Variants in RETSAT observed in about 807,000 individuals in gnomAD.
RETSAT encodes the protein all-trans-retinol 13,14-reductase.
RETSAT carries 35 observed loss-of-function variants against 61.6 expected under a neutral mutation model. The observed-to-expected ratio is 0.57, with a 90% CI of 0.43 to 0.75. The LOEUF (loss-of-function observed/expected upper bound fraction) is 0.75. RETSAT is among the 30% of genes least tolerant of loss of function. The pLI, the probability that RETSAT is intolerant of heterozygous loss-of-function variation, is 0.00. For missense variants in RETSAT, 670 were observed against 759.5 expected (o/e 0.88, Z 1.38); for synonymous variants, 277 against 310.4 (o/e 0.89, Z 1.13).
chr2:85,349,933 A>C (rs947492975), intron 4 of RETSAT, 107 bp downstream of exon 4: 1 of 1,109,708 alleles, frequency 9.0e-7, no homozygotes, highest in African/African-American at 1.6e-5. Context: ...TGGGGTTTAC[A>C]CTGCTCCATA....
intron 3 of RETSAT, 23 bp downstream of exon 3, chr2:85,350,757 G>T (rs1683285403): frequency 6.2e-7 from 1 of 1,613,662 alleles, no homozygotes. Flanking sequence ...ACAAACTCTG[G>T]GTCCTCAGCA....
At chr2:85,344,451 A>G (rs1273156356) in intron 7 of RETSAT, 103 bp from the exon 8 acceptor site, 2 of 1,523,546 alleles carry the variant, frequency 1.3e-6, no homozygotes, top group African/African-American at 1.4e-5. Flanking sequence ...ACAGGGGTGA[A>G]GCTGAGCCAC....
intron 5 of RETSAT, 90 bp from the exon 6 acceptor site, chr2:85,346,184 C>A (rs988719106): frequency 6.3e-5 from 95 of 1,518,236 alleles, no homozygotes; most frequent in Non-Finnish European, 8.1e-5. Context: ...CTGCCTGTGC[C>A]CATTTCTCAG....
chr2:85,353,885 T>C (rs1421544811), intron 1 of RETSAT, among the ~76,000 whole-genome samples: 2 of 152,174 alleles, frequency 1.3e-5, no homozygotes, highest in Non-Finnish European at 2.9e-5. Context: ...TCCTTACGAT[T>C]TGGGACCATG....
Position 85,351,867 on chromosome 2 carries a change from A to G in RETSAT, c.173-5T>C, listed in dbSNP as rs1181060446. 6.2e-7 allele frequency: 1 copy of G among 1,613,028 alleles called. No individual in the cohort carries two copies. Among genetic ancestry groups the G allele is most frequent in the Non-Finnish European group, 8.5e-7 (1 of 1,179,714 alleles). On this transcript the variant is annotated splice_region_variant and splice_polypyrimidine_tract_variant and intron_variant, in intron 1 of 10. Coordinates refer to ENST00000295802, the MANE Select transcript of RETSAT (RefSeq NM_017750.4). ...GCACTTGGTTGGCTGAAAAAGCTAC[A>G]GCAGAAGGGCCAAAGGGTGGGTTTC...
intron 5 of RETSAT, among the ~76,000 whole-genome samples, chr2:85,347,043 A>G (rs1683213935): frequency 6.6e-6 from 1 of 152,066 alleles, no homozygotes; most frequent in African/African-American, 2.4e-5. Context: ...CAGCTCTTTC[A>G]TATCTCCACA....
Position 85,353,679 on chromosome 2 carries a change from C to A in RETSAT, c.172+657G>T, listed in dbSNP as rs141648850. On this transcript the variant is annotated intron_variant, in intron 1 of 10. Transcript: ENST00000295802. ...TCTCCGATTGTGTAGCAAGATATGACACGGAGAATTCTAAAATTTACAAGT... is the reference window on the plus strand; with the variant it reads ...TCTCCGATTGTGTAGCAAGATATGAAACGGAGAATTCTAAAATTTACAAGT... Among the ~76,000 whole-genome samples the A allele has an allele frequency of 8.9e-4, 135 of 152,332 alleles. 1 individual carries two copies. The highest frequency in any genetic ancestry group is 3.1e-3 in the African/African-American group (129 of 41,570).
intron 5 of RETSAT, among the ~76,000 whole-genome samples, chr2:85,347,452 C>G (rs905143369): frequency 1.3e-5 from 2 of 152,176 alleles, no homozygotes; most frequent in South Asian, 4.1e-4. Context: ...TGGTCTCGAA[C>G]TCCTGACCTT....
Position 85,343,866 on chromosome 2 carries a change from T to G in RETSAT, c.1534-68A>C, listed in dbSNP as rs574031748. On this transcript the variant is annotated intron_variant, in intron 9 of 10. Coordinates refer to ENST00000295802, the MANE Select transcript of RETSAT (RefSeq NM_017750.4). ...CCCCTCCCTCTTCCACTCTTTCCCA[T>G]TCACTGACTGCAGGGATGGGTGCCC... The G allele has an allele frequency of 7.5e-6, 12 of 1,598,484 alleles. No homozygotes were observed. The East Asian group carries it at 2.7e-4, about 36-fold the overall frequency.
Position 85,350,215 on chromosome 2 carries a change from G to A in RETSAT, c.624C>T (p.Ala208=). ...VKVVSSGAPH[A]ILLKFLPLPV... The stretch of plus-strand genomic sequence containing the variant: ...GCAATGGGAGGAATTTCAACAGGAT[G>A]GCATGAGGGGCTCCACTGGATACCA... The change falls in exon 4 of 11, where the codon GCC becomes GCT. Residue 208 remains alanine (A), a synonymous_variant. Transcript: ENST00000295802. The A allele has an allele frequency of 6.2e-7, 1 of 1,613,840 alleles. No homozygotes were observed. Among genetic ancestry groups the A allele is most frequent in the Non-Finnish European group, 8.5e-7 (1 of 1,179,942 alleles).
At chr2:85,344,415 G>A in intron 7 of RETSAT, 67 bp from the exon 8 acceptor site, 2 of 1,562,536 alleles carry the variant, frequency 1.3e-6, no homozygotes, top group Non-Finnish European at 1.8e-6. Context: ...ACCACTGCAA[G>A]GACTGCTTAT....
chr2:85,349,282 G>C (rs1683258010), intron 5 of RETSAT, 102 bp downstream of exon 5: 1 of 1,077,554 alleles, frequency 9.3e-7, no homozygotes, highest in Admixed American at 1.8e-5. Context: ...TAGCCTCCAT[G>C]AGGAGGTCAG....
At position 85,343,302 on chromosome 2, in the gene RETSAT, GT is replaced by G. The variant is rs775765338; in HGVS notation, c.1772del (p.Asn591ThrfsTer39). The G allele has an allele frequency of 3.1e-6, 5 of 1,614,290 alleles. No homozygotes were observed. In the South Asian group the frequency reaches 5.5e-5, roughly 18 times the overall value. ...CAAGATTCTTAAGGTCTGAGTACAA[GT>G]TCCGCTTCAGGATGGCGCTGCTGCA... ...LLCSSAILKR[N>X]LYSDLKNLDS... On this transcript the variant is annotated frameshift_variant, in exon 11 of 11. Transcript: ENST00000295802. LOFTEE classifies it high-confidence loss of function.
chr2:85,349,631 C>A, intron 4 of RETSAT, 50 bp from the exon 5 acceptor site: 1 of 1,495,196 alleles, frequency 6.7e-7, no homozygotes, highest in South Asian at 1.1e-5. Flanking sequence ...GCACCAGCAC[C>A]ATTCAGAAAG....
intron 5 of RETSAT, among the ~76,000 whole-genome samples, chr2:85,346,467 A>G (rs1248441450): frequency 2.0e-5 from 3 of 151,990 alleles, no homozygotes; most frequent in Non-Finnish European, 2.9e-5. Flanking sequence ...ATACCCTCCA[A>G]TCGGGGCTAG....
At chr2:85,349,879 T>A in intron 4 of RETSAT, 161 bp downstream of exon 4, 1 of 676,860 alleles carries the variant, frequency 1.5e-6, no homozygotes, top group Admixed American at 2.9e-5. Flanking sequence ...GACCAAGGAG[T>A]CCAGCAGGTG....
chr2:85,348,789 C>T (rs1172337770), intron 5 of RETSAT, among the ~76,000 whole-genome samples: 2 of 150,838 alleles, frequency 1.3e-5, no homozygotes, highest in East Asian at 3.9e-4. Flanking sequence ...CTCGCTCTGT[C>T]GCCCAGGCCG....
At chr2:85,353,383 G>C (rs913898792) in intron 1 of RETSAT, among the ~76,000 whole-genome samples, 18 of 152,268 alleles carry the variant, frequency 1.2e-4, no homozygotes, top group African/African-American at 4.3e-4. Flanking sequence ...GCGGTGAGCG[G>C]AGATCGCGCC....
rs775634931 is a variant in RETSAT at position 85,351,697 on chromosome 2, C to A, written c.338G>T (p.Gly113Val). The change falls in exon 2 of 11, where the codon GGC (glycine) becomes GTC (valine). Residue 113 changes from glycine to valine, a missense_variant. Coordinates refer to ENST00000295802, the MANE Select transcript of RETSAT (RefSeq NM_017750.4). ...AGCCTTACCTGTGTCAAATTCAAGG[C>A]CATTCTTTCCAAAGGTATGACAGCA... The part of the protein sequence containing the change: ...GGCCHTFGKN[G>V]LEFDTGIHYI... The A allele has an allele frequency of 6.8e-6, 11 of 1,613,888 alleles. No homozygotes were observed. In the African/African-American group the frequency reaches 1.5e-4, roughly 22 times the overall value.
Sources: gnomAD v4.1 joint callset for allele counts (sites outside exome capture counted in the v4.1 genomes callset) on GRCh38, gnomAD v4.1.1 for gene constraint, MANE v1.5 for transcripts, NCBI Gene and HGNC (gene_info 2026-07-23, HGNC 2026-07-21) for gene names.